Variants in SPTBN1 observed in about 807,000 individuals in gnomAD.
The protein encoded by SPTBN1 is spectrin beta chain, non-erythrocytic 1.
Under a neutral mutation model 266.4 loss-of-function variants are expected in SPTBN1, and 32 were observed. The ratio of observed to expected loss-of-function variants is 0.12; its 90% CI spans 0.09 to 0.16. The LOEUF is 0.16. Ranked by LOEUF, SPTBN1 falls within the 10% of genes least tolerant of loss-of-function variation. The probability of loss-of-function intolerance (pLI) is 1.00; values close to 1 mark genes in which losing one functional copy is unlikely to be tolerated. For synonymous variants in SPTBN1, 1,336 were observed against 1,162.2 expected, an observed-to-expected ratio of 1.15 and a Z score of -3.04; for missense variants, 2,296 against 3,067.1, an observed-to-expected ratio of 0.75 and a Z score of 5.94.
intron 3 of SPTBN1, among the ~76,000 whole-genome samples, chr2:54,610,957 G>A (rs533237008): frequency 6.6e-6 from 1 of 152,240 alleles, no homozygotes; most frequent in Non-Finnish European, 1.5e-5. Flanking sequence ...GGCATTTTAA[G>A]TAGGCACTCA....
intron 2 of SPTBN1, among the ~76,000 whole-genome samples, chr2:54,545,807 C>CT (rs763949864): frequency 8.5e-5 from 13 of 152,092 alleles, no homozygotes; most frequent in Non-Finnish European, 1.5e-4. Context: ...CCTCAGACCT[C>CT]TAAGATTGTG....
At chr2:54,511,980 A>G (rs563707737) in intron 1 of SPTBN1, among the ~76,000 whole-genome samples, 1 of 152,322 alleles carries the variant, frequency 6.6e-6, no homozygotes, top group South Asian at 2.1e-4. Flanking sequence ...GTGATAGAAG[A>G]CAGTGACAGA....
intron 1 of SPTBN1, among the ~76,000 whole-genome samples, chr2:54,487,832 C>CTCCTTTTTTTTTT (rs1426296541): frequency 1.5e-5 from 1 of 68,644 alleles, no homozygotes; most frequent in Non-Finnish European, 2.6e-5. Context: ...CCTCCTGTGT[C>CTCCTTTTTTTTTT]TTTTTTTTTT....
intron 2 of SPTBN1, among the ~76,000 whole-genome samples, chr2:54,564,708 C>T (rs181571643): frequency 5.6e-4 from 86 of 152,294 alleles, no homozygotes; most frequent in Admixed American, 1.4e-3. Context: ...GTTCAGATGC[C>T]ACTTATTCTA....
chr2:54,578,476 T>C (rs1052432309), intron 2 of SPTBN1, among the ~76,000 whole-genome samples: 4 of 152,216 alleles, frequency 2.6e-5, no homozygotes, highest in South Asian at 2.1e-4. Flanking sequence ...CTGCTGCTGC[T>C]GCCAAGTATA....
rs1669291973 is a variant in SPTBN1 at position 54,501,937 on chromosome 2, TTG to T, written c.-47-24431_-47-24430del. Reference sequence around the variant, plus strand: ...TAAGTATTTGCAGCTCCCTGAAAATTTGTGTTGGGAGGTGATCATTAGCATCT... The same window carrying T: ...TAAGTATTTGCAGCTCCCTGAAAATTTGTTGGGAGGTGATCATTAGCATCT... On this transcript the variant is annotated intron_variant, in intron 1 of 35. Coordinates refer to ENST00000356805, the MANE Select transcript of SPTBN1 (RefSeq NM_003128.3). Among the ~76,000 whole-genome samples, 6 of 152,168 alleles carry T rather than the reference TTG, an allele frequency of 3.9e-5. No individual in the cohort carries two copies. In the South Asian group the frequency reaches 1.2e-3, roughly 31 times the overall value.
chr2:54,605,763 T>C (rs1458159585), intron 3 of SPTBN1, among the ~76,000 whole-genome samples: 2 of 152,202 alleles, frequency 1.3e-5, no homozygotes, highest in Non-Finnish European at 2.9e-5. Context: ...TAGTCTCAAT[T>C]CCCACTCCTC....
At chr2:54,655,863 G>A (rs1195119597) in intron 28 of SPTBN1, 51 bp from the exon 29 acceptor site, 5 of 1,384,018 alleles carry the variant, frequency 3.6e-6, no homozygotes, top group African/African-American at 2.9e-5. Flanking sequence ...CCCATCAAGA[G>A]GATGTGGTGC....
At chr2:54,458,018 G>T (rs1693159908) in intron 1 of SPTBN1, among the ~76,000 whole-genome samples, 1 of 152,220 alleles carries the variant, frequency 6.6e-6, no homozygotes, top group Admixed American at 6.5e-5. Context: ...AGGCAATGTT[G>T]CAGTGTGGGG....
In SPTBN1 at chr2:54,628,176, C is replaced by G. The variant is rs1678478690; in HGVS notation, c.1724C>G (p.Ala575Gly). ...TTACAGAAGCACACCCTGGTTGAAG[C>G]AGACATTGGCATCCAGGCAGAGCGG... ...DLLQKHTLVE[A>G]DIGIQAERVR... Residue 575 changes from alanine to glycine, a missense_variant, in exon 13 of 36, where the codon GCA becomes GGA. This residue lies in a region of SPTBN1 where 434 missense variants were observed against 573.9 expected (regional missense o/e 0.76). Transcript: ENST00000356805. This position sits in a 1 kb window ranked among gnomAD's most constrained non-coding sequence, Gnocchi z 4.3. The G allele has an allele frequency of 1.9e-6, 3 of 1,614,112 alleles. No individual in the cohort carries two copies. Among genetic ancestry groups the G allele is most frequent in the Non-Finnish European group, 2.5e-6 (3 of 1,179,984 alleles).
intron 1 of SPTBN1, among the ~76,000 whole-genome samples, chr2:54,477,899 A>G (rs1667917555): frequency 6.7e-6 from 1 of 150,168 alleles, no homozygotes; most frequent in East Asian, 1.9e-4. Flanking sequence ...TGACAGAGTA[A>G]GAGTCCATCT....
At chr2:54,509,948 C>G (rs1218974095) in intron 1 of SPTBN1, among the ~76,000 whole-genome samples, 1 of 101,398 alleles carries the variant, frequency 9.9e-6, no homozygotes. Flanking sequence ...TTGTTCCTTG[C>G]TTTCTTTCTT....
At chr2:54,541,660 T>C (rs569844335) in intron 2 of SPTBN1, among the ~76,000 whole-genome samples, 4 of 152,338 alleles carry the variant, frequency 2.6e-5, no homozygotes, top group Non-Finnish European at 5.9e-5. Context: ...GGATGATGTT[T>C]CTATGTTTTA....
chr2:54,549,842 G>A (rs1672462627), intron 2 of SPTBN1, among the ~76,000 whole-genome samples: 1 of 152,250 alleles, frequency 6.6e-6, no homozygotes, highest in African/African-American at 2.4e-5. Flanking sequence ...GCCCAAGACA[G>A]GTGGGGCACT....
intron 2 of SPTBN1, among the ~76,000 whole-genome samples, chr2:54,592,898 C>T (rs1675780013): frequency 6.6e-6 from 1 of 152,158 alleles, no homozygotes; most frequent in African/African-American, 2.4e-5. Flanking sequence ...CCTCACTGAG[C>T]CTTGGGCTTT....
At position 54,664,139 on chromosome 2, in the gene SPTBN1, G is replaced by C. The variant is rs139013061; in HGVS notation, c.6421-314G>C. The C allele has an allele frequency of 1.3e-4, 30 of 239,990 alleles. No individual in the cohort carries two copies. The highest frequency in any genetic ancestry group is 1.4e-3 in the Middle Eastern group (1 of 738). The allele number at this position is 239,990 out of a possible 1,614,324, so 14.9% of individuals were successfully genotyped here. A position where few individuals can be genotyped will look rare whatever the true frequency, so the allele number is the denominator to read the frequency against. On this transcript the variant is annotated intron_variant, in intron 32 of 35. Coordinates refer to ENST00000356805, the MANE Select transcript of SPTBN1 (RefSeq NM_003128.3). The surrounding 1 kb of genome is among the most constrained non-coding windows in gnomAD (Gnocchi z 5.6). ...TTTAATATGTGTGATTGTTACTGTTGTCTTTTTGTTTTAAAGTAACCATAA... is the reference window on the plus strand; with the variant it reads ...TTTAATATGTGTGATTGTTACTGTTCTCTTTTTGTTTTAAAGTAACCATAA...
intron 7 of SPTBN1, among the ~76,000 whole-genome samples, chr2:54,619,771 A>G (rs576148010): frequency 6.6e-6 from 1 of 152,264 alleles, no homozygotes; most frequent in East Asian, 1.9e-4. Context: ...GGCTGAGCGG[A>G]CACAGGAGCC....
intron 10 of SPTBN1, 115 bp downstream of exon 10, chr2:54,623,711 G>A (rs1040271182): frequency 1.2e-5 from 10 of 804,868 alleles, no homozygotes; most frequent in Middle Eastern, 2.3e-4. Flanking sequence ...CCCACCTGCC[G>A]AATTGACAAT....
intron 1 of SPTBN1, among the ~76,000 whole-genome samples, chr2:54,462,785 T>G (rs1217500984): frequency 6.6e-6 from 1 of 152,240 alleles, no homozygotes; most frequent in Non-Finnish European, 1.5e-5. Context: ...ATGGAAGACT[T>G]AGATGAAATC....
Sources: gnomAD v4.1 joint callset for allele counts (sites outside exome capture counted in the v4.1 genomes callset) on GRCh38, gnomAD v4.1.1 for gene constraint, gnomAD v4.1.1 regional missense constraint, Gnocchi (gnomAD v3.1) non-coding constraint, MANE v1.5 for transcripts, NCBI Gene and HGNC (gene_info 2026-07-23, HGNC 2026-07-21) for gene names.